The following PLCE1 variants were observed in gnomAD, a reference collection of about 807,000 sequenced individuals.
PLCE1 encodes 1-phosphatidylinositol 4,5-bisphosphate phosphodiesterase epsilon-1.
Under a neutral mutation model 242.8 loss-of-function variants are expected in PLCE1, and 119 were observed. The observed-to-expected ratio is 0.49, with a 90% CI of 0.42 to 0.57. The LOEUF (loss-of-function observed/expected upper bound fraction) is 0.57. PLCE1 is among the 20% of genes least tolerant of loss of function. The pLI, the probability that PLCE1 is intolerant of heterozygous loss-of-function variation, is 0.00. For missense variants in PLCE1, 2,441 were observed against 2,788.8 expected (o/e 0.88, Z 2.81); for synonymous variants, 945 against 1,017.4 (o/e 0.93, Z 1.35).
intron 19 of PLCE1, among the ~76,000 whole-genome samples, chr10:94,275,363 G>A (rs1028501471): frequency 6.6e-6 from 1 of 152,110 alleles, no homozygotes; most frequent in East Asian, 1.9e-4. Flanking sequence ...TTACCATTAA[G>A]AATATCGTAG....
At chr10:94,004,739 T>G (rs559344841) in intron 1 of PLCE1, among the ~76,000 whole-genome samples, 31 of 152,330 alleles carry the variant, frequency 2.0e-4, no homozygotes, top group African/African-American at 7.5e-4. Flanking sequence ...GCAGTTATTT[T>G]GAGTCACTCC....
At chr10:94,028,617 A>G (rs1273737823) in intron 1 of PLCE1, among the ~76,000 whole-genome samples, 5 of 152,046 alleles carry the variant, frequency 3.3e-5, no homozygotes, top group Admixed American at 1.3e-4. Context: ...AAACCATCAC[A>G]CTATCTTGTA....
chr10:94,147,458 AAG>A (rs1296756300), intron 3 of PLCE1, among the ~76,000 whole-genome samples: 1 of 116,558 alleles, frequency 8.6e-6, no homozygotes, highest in African/African-American at 3.1e-5. Context: ...GAGAGAGAGA[AAG>A]AGAGAAAGAG....
At chr10:94,325,823 A>G (rs1034791354) in intron 32 of PLCE1, among the ~76,000 whole-genome samples, 10 of 151,986 alleles carry the variant, frequency 6.6e-5, no homozygotes, top group Non-Finnish European at 1.2e-4. Flanking sequence ...ATTCTTTTGG[A>G]TTTCTCGTTT....
At chr10:94,091,929 A>G (rs1001730844) in intron 2 of PLCE1, among the ~76,000 whole-genome samples, 1 of 152,192 alleles carries the variant, frequency 6.6e-6, no homozygotes, top group South Asian at 2.1e-4. Context: ...ACCTCCCTGG[A>G]ATGAACTAGG....
At chr10:94,175,133 C>A (rs2048091703) in intron 4 of PLCE1, among the ~76,000 whole-genome samples, 2 of 152,156 alleles carry the variant, frequency 1.3e-5, no homozygotes, top group South Asian at 2.1e-4. Context: ...GAATCCAGAT[C>A]TTTCTTCAAA....
intron 1 of PLCE1, among the ~76,000 whole-genome samples, chr10:94,011,762 C>T (rs2061172241): frequency 6.6e-6 from 1 of 151,968 alleles, no homozygotes; most frequent in Admixed American, 6.6e-5. Flanking sequence ...CTGTTAGCCT[C>T]TTCCTTTTTT....
intron 3 of PLCE1, among the ~76,000 whole-genome samples, chr10:94,165,659 G>C (rs143547260): frequency 6.6e-6 from 1 of 152,008 alleles, no homozygotes; most frequent in African/African-American, 2.4e-5. Context: ...CCAGGTTTTT[G>C]AGCATGAGAA....
At chr10:94,262,861 G>GTTT in intron 14 of PLCE1, 129 bp downstream of exon 14, 9 of 678,238 alleles carry the variant, frequency 1.3e-5, no homozygotes, top group Admixed American at 4.5e-5. Flanking sequence ...ATACAGTTTT[G>GTTT]TTTTTTTTTT....
chr10:94,049,875 A>C (rs1461841499), intron 2 of PLCE1, among the ~76,000 whole-genome samples: 1 of 152,148 alleles, frequency 6.6e-6, no homozygotes, highest in Non-Finnish European at 1.5e-5. Context: ...AGTTGGTACT[A>C]TTTTGTATGT....
intron 2 of PLCE1, among the ~76,000 whole-genome samples, chr10:94,053,276 G>A (rs528614228): frequency 3.3e-5 from 5 of 152,122 alleles, no homozygotes; most frequent in African/African-American, 4.8e-5. Flanking sequence ...ATGAGGATTC[G>A]GTATCTGAAA....
intron 1 of PLCE1, among the ~76,000 whole-genome samples, chr10:94,015,553 G>A (rs2061261841): frequency 6.6e-6 from 1 of 152,176 alleles, no homozygotes; most frequent in Non-Finnish European, 1.5e-5. Flanking sequence ...GAACAGGGCA[G>A]TCAGGGTTGT....
intron 1 of PLCE1, among the ~76,000 whole-genome samples, chr10:93,998,374 C>T (rs550806986): frequency 4.0e-4 from 61 of 152,256 alleles, no homozygotes; most frequent in Admixed American, 1.0e-3. Flanking sequence ...GCATGTATAC[C>T]TCTTGCGGCA....
At chr10:94,302,656 GCTCGATT>G (rs1354701236) in intron 24 of PLCE1, among the ~76,000 whole-genome samples, 4 of 152,256 alleles carry the variant, frequency 2.6e-5, no homozygotes, top group Middle Eastern at 3.4e-3. Flanking sequence ...GGCCATCTGG[GCTCGATT>G]TATAGCATCC....
In PLCE1 at chr10:94,298,525, T is replaced by C; in HGVS notation, c.5314T>C (p.Tyr1772His). ...ENAAKRLCRRYSQKLTQHTAC... is the reference protein window; with the variant it reads ...ENAAKRLCRRHSQKLTQHTAC... The stretch of plus-strand genomic sequence containing the variant: ...TGCCGCCAAACGTCTGTGTCGCAGG[T>C]ATTCTCAGAAACTGACCCAGCACAC... Residue 1772 changes from tyrosine to histidine, a missense_variant, in exon 24 of 33, where the codon TAT becomes CAT. Physicochemically the swap from Tyr to His is moderately conservative, Grantham distance 83 (BLOSUM62 2). Transcript: ENST00000371380. This position sits in a 1 kb window ranked among gnomAD's most constrained non-coding sequence, Gnocchi z 5.2. The C allele has an allele frequency of 6.2e-7, 1 of 1,614,102 alleles. No homozygotes were observed. Among genetic ancestry groups the C allele is most frequent in the Non-Finnish European group, 8.5e-7 (1 of 1,180,004 alleles).
chr10:94,323,029 T>C (rs1296493591), intron 30 of PLCE1, among the ~76,000 whole-genome samples: 1 of 152,160 alleles, frequency 6.6e-6, no homozygotes, highest in African/African-American at 2.4e-5. Context: ...ACTTAGTATC[T>C]ACAGTGAGTT....
At chr10:94,313,831 GC>G (rs2053474932) in intron 28 of PLCE1, among the ~76,000 whole-genome samples, 1 of 152,154 alleles carries the variant, frequency 6.6e-6, no homozygotes, top group South Asian at 2.1e-4. Context: ...AATTCTTAGA[GC>G]TTCAGGATGG....
In PLCE1 at chr10:94,246,358, T is replaced by C. The variant is rs759116659; in HGVS notation, c.2833T>C (p.Tyr945His). ...VLDLFAVKAVYMGHPGIDIHT... is the reference protein window; with the variant it reads ...VLDLFAVKAVHMGHPGIDIHT... Reference sequence around the variant, plus strand: ...GGATCTTTTTGCAGTGAAGGCTGTATACATGGGCCACCCTGGCATTGATAT... The same window carrying C: ...GGATCTTTTTGCAGTGAAGGCTGTACACATGGGCCACCCTGGCATTGATAT... The change falls in exon 8 of 33, where the codon TAC (tyrosine) becomes CAC (histidine). Residue 945 changes from tyrosine to histidine, a missense_variant. Around this residue, in one of 5 missense-constraint regions of PLCE1, gnomAD observed 733 missense variants for 754.2 expected, o/e 0.97. Coordinates refer to ENST00000371380, the MANE Select transcript of PLCE1 (RefSeq NM_016341.4). The C allele has an allele frequency of 3.1e-6, 5 of 1,614,088 alleles. No individual in the cohort carries two copies. In the African/African-American group the frequency reaches 4.0e-5, roughly 13 times the overall value.
intron 4 of PLCE1, among the ~76,000 whole-genome samples, chr10:94,223,015 T>C (rs56832087): frequency 0.027 from 4,178 of 151,980 alleles, 146 homozygotes; most frequent in African/African-American, 0.082. Context: ...CGACAGCCAG[T>C]GTGGAGCCTT....
Sources: allele counts gnomAD v4.1 joint callset (sites outside exome capture counted in the v4.1 genomes callset), GRCh38; gene constraint gnomAD v4.1.1; regional missense constraint gnomAD v4.1.1; non-coding constraint Gnocchi (gnomAD v3.1); transcripts MANE v1.5; gene names NCBI Gene and HGNC (gene_info 2026-07-23, HGNC 2026-07-21).